The following DYNC1I1 variants were observed in gnomAD, a reference collection of about 807,000 sequenced individuals.
The protein encoded by DYNC1I1 is cytoplasmic dynein 1 intermediate chain 1.
DYNC1I1 carries 43 observed loss-of-function variants against 86.6 expected under a neutral mutation model. The ratio of observed to expected loss-of-function variants is 0.50; its 90% CI spans 0.39 to 0.64. DYNC1I1 has a LOEUF of 0.64. Among genes scored for constraint, DYNC1I1 ranks in the 30% least tolerant of loss-of-function variants. The pLI is 0.00. For synonymous variants in DYNC1I1, 262 were observed against 283.7 expected (o/e 0.92, Z 0.77); for missense variants, 604 against 788.8 (o/e 0.77, Z 2.81).
At chr7:96,009,476 A>C (rs1408532174) in intron 10 of DYNC1I1, among the ~76,000 whole-genome samples, 4 of 152,202 alleles carry the variant, frequency 2.6e-5, no homozygotes, top group Non-Finnish European at 5.9e-5. Context: ...TGAAGCCAGC[A>C]GAGTCAGGGC....
At chr7:95,828,265 A>G (rs932132250) in intron 5 of DYNC1I1, 149 bp downstream of exon 5, 2 of 812,814 alleles carry the variant, frequency 2.5e-6, no homozygotes, top group Non-Finnish European at 4.0e-6. Context: ...TTCCTTATAA[A>G]GCTTTGAAGA....
At chr7:95,985,119 G>A in intron 8 of DYNC1I1, 142 bp downstream of exon 8, 1 of 1,148,336 alleles carries the variant, frequency 8.7e-7, no homozygotes, top group South Asian at 1.5e-5. Context: ...GAACAGCTTT[G>A]ACTATGGGCT....
intron 4 of DYNC1I1, chr7:95,818,456 C>G: frequency 3.0e-6 from 2 of 675,054 alleles, no homozygotes; most frequent in South Asian, 3.2e-5. Context: ...TGCATACCAC[C>G]ACACCCAGCT....
At chr7:95,801,093 T>A (rs1794567014) in intron 1 of DYNC1I1, among the ~76,000 whole-genome samples, 1 of 152,240 alleles carries the variant, frequency 6.6e-6, no homozygotes. Flanking sequence ...TTCCTTATTC[T>A]CCTAGAGGTT....
intron 5 of DYNC1I1, among the ~76,000 whole-genome samples, chr7:95,844,814 G>A (rs1423338625): frequency 1.3e-5 from 2 of 152,164 alleles, no homozygotes; most frequent in Non-Finnish European, 2.9e-5. Context: ...GTACAGTAGT[G>A]AATTGGGGAA....
intron 6 of DYNC1I1, among the ~76,000 whole-genome samples, chr7:95,965,478 TAAC>T (rs1792986430): frequency 6.6e-6 from 1 of 152,182 alleles, no homozygotes; most frequent in Non-Finnish European, 1.5e-5. Context: ...TCATCAATAA[TAAC>T]AAAATGTTTT....
At chr7:95,853,606 G>T (rs1789638098) in intron 5 of DYNC1I1, among the ~76,000 whole-genome samples, 1 of 152,162 alleles carries the variant, frequency 6.6e-6, no homozygotes, top group South Asian at 2.1e-4. Context: ...AATGTTCCAT[G>T]TGCAGTTGAG....
intron 6 of DYNC1I1, among the ~76,000 whole-genome samples, chr7:95,947,608 A>G (rs1197841552): frequency 6.6e-6 from 1 of 152,074 alleles, no homozygotes; most frequent in Admixed American, 6.6e-5. Context: ...CACTCCACCC[A>G]TGGGAAATGC....
chr7:96,054,075 T>C (rs1211733641), intron 14 of DYNC1I1, among the ~76,000 whole-genome samples: 3 of 152,168 alleles, frequency 2.0e-5, no homozygotes, highest in African/African-American at 7.2e-5. Context: ...CCATGGTGGT[T>C]TGCTGCACCC....
chr7:95,813,431 C>T, intron 4 of DYNC1I1, 94 bp downstream of exon 4: 2 of 1,398,864 alleles, frequency 1.4e-6, no homozygotes, highest in African/African-American at 1.5e-5. Flanking sequence ...GTGAAATGTG[C>T]ATGTATCTGC....
chr7:96,081,046 G>T (rs1473613143), intron 16 of DYNC1I1, among the ~76,000 whole-genome samples: 2 of 141,048 alleles, frequency 1.4e-5, no homozygotes, highest in African/African-American at 5.6e-5. Flanking sequence ...CTCCAACCTG[G>T]GTGGCAGAGA....
At chr7:96,044,739 C>T (rs1322207413) in intron 14 of DYNC1I1, among the ~76,000 whole-genome samples, 5 of 152,092 alleles carry the variant, frequency 3.3e-5, no homozygotes, top group Non-Finnish European at 2.9e-5. Flanking sequence ...TGGCTATTTT[C>T]TTAATGCTGT....
intron 5 of DYNC1I1, among the ~76,000 whole-genome samples, chr7:95,849,262 A>T (rs1235963914): frequency 6.6e-6 from 1 of 152,038 alleles, no homozygotes; most frequent in African/African-American, 2.4e-5. Context: ...CTTTTGCAGC[A>T]TGTGCTTTTG....
chr7:95,786,143 A>T (rs1305460939), intron 1 of DYNC1I1, among the ~76,000 whole-genome samples: 1 of 152,044 alleles, frequency 6.6e-6, no homozygotes, highest in Non-Finnish European at 1.5e-5. Flanking sequence ...GGCAGAAAAA[A>T]ATAGCCCTGG....
chr7:95,975,357 T>C (rs1470182559), intron 6 of DYNC1I1, among the ~76,000 whole-genome samples: 1 of 152,144 alleles, frequency 6.6e-6, no homozygotes, highest in Non-Finnish European at 1.5e-5. Flanking sequence ...CTTGGTTCCT[T>C]CTGAGGACTG....
intron 10 of DYNC1I1, among the ~76,000 whole-genome samples, chr7:96,008,037 T>C (rs1043856596): frequency 3.3e-5 from 5 of 152,194 alleles, no homozygotes; most frequent in African/African-American, 1.2e-4. Flanking sequence ...GGGAATGCTC[T>C]GCTCTTGAAG....
intron 14 of DYNC1I1, among the ~76,000 whole-genome samples, chr7:96,050,321 A>G (rs2116102275): frequency 6.6e-6 from 1 of 152,338 alleles, no homozygotes; most frequent in African/African-American, 2.4e-5. Context: ...CAGAGAGACA[A>G]TAACACTTCA....
chr7:95,795,830 C>T (rs1794421576), intron 1 of DYNC1I1, among the ~76,000 whole-genome samples: 1 of 151,568 alleles, frequency 6.6e-6, no homozygotes, highest in African/African-American at 2.4e-5. Flanking sequence ...ATAAAACAAG[C>T]CCCCATGTCA....
At chr7:95,846,627 CTGTGTGTG>C (rs1236489557) in intron 5 of DYNC1I1, among the ~76,000 whole-genome samples, 4 of 136,484 alleles carry the variant, frequency 2.9e-5, no homozygotes, top group African/African-American at 5.4e-5. Flanking sequence ...ATCTCTCTCT[CTGTGTGTG>C]TGTGTGTGTG....
Sources: allele counts gnomAD v4.1 joint callset (sites outside exome capture counted in the v4.1 genomes callset), GRCh38; gene constraint gnomAD v4.1.1; transcripts MANE v1.5; gene names NCBI Gene and HGNC (gene_info 2026-07-23, HGNC 2026-07-21).